The following PSMA1 variants were observed in gnomAD, a reference collection of about 807,000 sequenced individuals.
PSMA1 encodes the protein proteasome subunit alpha type-1.
PSMA1 carries 3 observed loss-of-function variants against 38.4 expected under a neutral mutation model. The observed-to-expected ratio is 0.08, with a 90% CI of 0.04 to 0.20. PSMA1 has a LOEUF of 0.20. PSMA1 is among the 10% of genes least tolerant of loss of function. PSMA1 has a pLI of 1.00. For missense variants in PSMA1, 227 were observed against 325.3 expected, an observed-to-expected ratio of 0.70 and a Z score of 2.32; for synonymous variants, 101 against 107.1, an observed-to-expected ratio of 0.94 and a Z score of 0.35.
chr11:14,579,821 C>T (rs916159230), intron 2 of PSMA1, among the ~76,000 whole-genome samples: 2 of 152,082 alleles, frequency 1.3e-5, no homozygotes, highest in African/African-American at 2.4e-5. Flanking sequence ...TTGAAAATGC[C>T]CTCCAAGTGA....
At chr11:14,550,879 A>C (rs953879027) in intron 2 of PSMA1, among the ~76,000 whole-genome samples, 2 of 152,224 alleles carry the variant, frequency 1.3e-5, no homozygotes, top group African/African-American at 2.4e-5. Context: ...GATTGCATTT[A>C]AGCCTTTTGC....
At chr11:14,616,796 C>T (rs1304793234) in intron 1 of PSMA1, among the ~76,000 whole-genome samples, 1 of 152,064 alleles carries the variant, frequency 6.6e-6, no homozygotes, top group Non-Finnish European at 1.5e-5. Flanking sequence ...GCAACTGACC[C>T]AAAGTCTCAT....
At chr11:14,530,117 T>G (rs1036475326) in intron 2 of PSMA1, among the ~76,000 whole-genome samples, 2 of 152,200 alleles carry the variant, frequency 1.3e-5, no homozygotes, top group Admixed American at 1.3e-4. Flanking sequence ...AGTCAGACAC[T>G]AGTCCACTGT....
chr11:14,606,481 G>T (rs1852645316), intron 2 of PSMA1, among the ~76,000 whole-genome samples: 2 of 151,400 alleles, frequency 1.3e-5, no homozygotes, highest in South Asian at 4.2e-4. Flanking sequence ...AAGACCCTCA[G>T]GGAGAGATTT....
rs113423455 is a variant in PSMA1 at position 14,638,343 on chromosome 11, A to T, written c.-166+5112T>A. The stretch of plus-strand genomic sequence containing the variant: ...GGTGTTTCACTTAGCAGTTAATAGT[A>T]ATATAACTGCAATTTATTTCTAATT... On this transcript the variant is annotated intron_variant, in intron 1 of 10. Transcript: ENST00000418988. Among the ~76,000 whole-genome samples the T allele has an allele frequency of 5.8e-3, 880 of 152,016 alleles. 9 individuals are homozygous for T. The highest frequency in any genetic ancestry group is 0.02 in the African/African-American group (845 of 41,434).
chr11:14,558,812 G>A (rs1016902035), intron 2 of PSMA1, among the ~76,000 whole-genome samples: 2 of 152,230 alleles, frequency 1.3e-5, no homozygotes, highest in African/African-American at 2.4e-5. Flanking sequence ...AAGACTGGCT[G>A]GTTGATAGAA....
intron 1 of PSMA1, among the ~76,000 whole-genome samples, chr11:14,630,426 C>G (rs1177412150): frequency 4.1e-4 from 63 of 152,228 alleles, no homozygotes; most frequent in South Asian, 1.2e-3. Flanking sequence ...AGATAATCAT[C>G]TGGTTTTTGT....
intron 1 of PSMA1, among the ~76,000 whole-genome samples, chr11:14,638,545 CTATATATATATATATATA>C (rs1243564648): frequency 1.9e-3 from 31 of 15,944 alleles, no homozygotes; most frequent in Admixed American, 6.8e-3. Flanking sequence ...CTCTCTCTCT[CTATATATATATATATATA>C]TATATATATA....
At chr11:14,551,984 G>A (rs905163568) in intron 2 of PSMA1, among the ~76,000 whole-genome samples, 1 of 152,106 alleles carries the variant, frequency 6.6e-6, no homozygotes, top group Non-Finnish European at 1.5e-5. Flanking sequence ...AAGAATGTTG[G>A]CAGGACAAAA....
intron 1 of PSMA1, among the ~76,000 whole-genome samples, chr11:14,643,302 C>T (rs1853244766): frequency 6.6e-6 from 1 of 151,954 alleles, no homozygotes; most frequent in African/African-American, 2.4e-5. Flanking sequence ...AAGACCCACC[C>T]TGAAAGGGAC....
intron 2 of PSMA1, among the ~76,000 whole-genome samples, chr11:14,598,822 G>A (rs1358937335): frequency 6.6e-6 from 1 of 151,798 alleles, no homozygotes; most frequent in Non-Finnish European, 1.5e-5. Context: ...ATTTGATGCA[G>A]TTTATTCCTA....
At position 14,520,380 on chromosome 11, in the gene PSMA1, T is replaced by C; in HGVS notation, c.-81A>G. 1 of 1,614,012 alleles carries C rather than the reference T, an allele frequency of 6.2e-7. No homozygotes were observed. Among genetic ancestry groups the C allele is most frequent in the Non-Finnish European group, 8.5e-7 (1 of 1,179,930 alleles). ...CTGCCGAAAGTATCGCTCAGCGATCTACAGAGAAGTCTGCGGGAGTTTGAC... is the reference window on the plus strand; with the variant it reads ...CTGCCGAAAGTATCGCTCAGCGATCCACAGAGAAGTCTGCGGGAGTTTGAC... On this transcript the variant is annotated 5_prime_UTR_variant, in exon 1 of 10. Transcript: ENST00000396394.
At chr11:14,616,935 T>C (rs1021797010) in intron 1 of PSMA1, among the ~76,000 whole-genome samples, 5 of 152,188 alleles carry the variant, frequency 3.3e-5, no homozygotes, top group Non-Finnish European at 5.9e-5. Context: ...TGGTGGAGAA[T>C]GTCGTTTGTA....
chr11:14,564,240 T>C (rs1852042876), intron 2 of PSMA1, among the ~76,000 whole-genome samples: 1 of 152,150 alleles, frequency 6.6e-6, no homozygotes, highest in Non-Finnish European at 1.5e-5. Context: ...TAGCCACATA[T>C]GTTCTTTGTT....
At chr11:14,604,302 T>A (rs1476984760) in intron 2 of PSMA1, among the ~76,000 whole-genome samples, 1 of 152,104 alleles carries the variant, frequency 6.6e-6, no homozygotes, top group Non-Finnish European at 1.5e-5. Context: ...CCTCAAATGA[T>A]CCACCCACCT....
chr11:14,508,263 T>A (rs923020106), intron 8 of PSMA1, among the ~76,000 whole-genome samples: 1 of 152,246 alleles, frequency 6.6e-6, no homozygotes, highest in East Asian at 1.9e-4. Flanking sequence ...CCTATATTAC[T>A]GCGAAAACAG....
chr11:14,604,480 A>G (rs968235576), intron 2 of PSMA1, among the ~76,000 whole-genome samples: 4 of 152,206 alleles, frequency 2.6e-5, no homozygotes, highest in Non-Finnish European at 4.4e-5. Flanking sequence ...ATTTTAGTCC[A>G]TTCCTTGTAA....
chr11:14,550,453 G>C (rs1197823719), intron 2 of PSMA1, among the ~76,000 whole-genome samples: 1 of 152,122 alleles, frequency 6.6e-6, no homozygotes, highest in Non-Finnish European at 1.5e-5. Flanking sequence ...TATTTATCTT[G>C]ATAGATAAAG....
At chr11:14,633,513 G>A (rs907097738) in intron 1 of PSMA1, among the ~76,000 whole-genome samples, 37 of 151,972 alleles carry the variant, frequency 2.4e-4, no homozygotes, top group Non-Finnish European at 4.0e-4. Flanking sequence ...CTCCAGCTGC[G>A]TGCTGGGAGA....
Sources: gnomAD v4.1 joint callset for allele counts (sites outside exome capture counted in the v4.1 genomes callset) on GRCh38, gnomAD v4.1.1 for gene constraint, MANE v1.5 for transcripts, NCBI Gene and HGNC (gene_info 2026-07-23, HGNC 2026-07-21) for gene names.